The following TGFB2 variants were observed in gnomAD, a reference collection of about 807,000 sequenced individuals.
TGFB2 encodes transforming growth factor beta 2.
In TGFB2, 13 loss-of-function variants were observed where a neutral mutation model predicts 42.7. That is an observed-to-expected ratio of 0.30 (90% CI 0.20 to 0.48). TGFB2 has a LOEUF of 0.48. Among genes scored for constraint, TGFB2 ranks in the 20% least tolerant of loss-of-function variants. TGFB2 has a pLI of 0.99. For synonymous variants in TGFB2, 193 were observed against 193.6 expected (o/e 1.00, Z 0.03); for missense variants, 390 against 517.5 (o/e 0.75, Z 2.39).
intron 2 of TGFB2, among the ~76,000 whole-genome samples, chr1:218,415,736 G>C (rs1378920526): frequency 2.1e-5 from 3 of 146,104 alleles, no homozygotes; most frequent in Non-Finnish European, 4.5e-5. Flanking sequence ...TTGCAGATGA[G>C]CATATCAGAG....
chr1:218,440,345 CT>C (rs34196637), intron 6 of TGFB2, among the ~76,000 whole-genome samples: 55,390 of 144,932 alleles, frequency 0.38, 10,917 homozygotes, highest in East Asian at 0.72. Context: ...AAAAAACAGG[CT>C]TTTTTTTTTT....
In TGFB2 at chr1:218,411,742, G is replaced by A. The variant is rs1215319048; in HGVS notation, c.510+6410G>A. Among the ~76,000 whole-genome samples the A allele has an allele frequency of 2.0e-5, 3 of 151,942 alleles. No homozygotes were observed. The East Asian group carries it at 5.8e-4, about 29-fold the overall frequency. ...TACCCAGGCACAGTGGCACACACCT[G>A]TAATCCCAGCTACTCAGGAGGCTGA... On this transcript the variant is annotated intron_variant, in intron 2 of 6. Coordinates refer to ENST00000366930, the MANE Select transcript of TGFB2 (RefSeq NM_003238.6).
intron 2 of TGFB2, among the ~76,000 whole-genome samples, chr1:218,408,659 T>C (rs1284540473): frequency 6.6e-6 from 1 of 152,098 alleles, no homozygotes; most frequent in African/African-American, 2.4e-5. Context: ...AAAGGCAGCC[T>C]CTTGTCTTTT....
At chr1:218,433,602 G>A (rs1188523938) in intron 2 of TGFB2, among the ~76,000 whole-genome samples, 2 of 152,162 alleles carry the variant, frequency 1.3e-5, no homozygotes, top group African/African-American at 4.8e-5. Context: ...CCAAGGTTAG[G>A]ACCGTTCTTT....
At chr1:218,411,424 A>G (rs1659092907) in intron 2 of TGFB2, among the ~76,000 whole-genome samples, 1 of 152,070 alleles carries the variant, frequency 6.6e-6, no homozygotes. Context: ...TTGGAACTTC[A>G]GTAGAATGAC....
At chr1:218,431,950 T>A (rs553051660) in intron 2 of TGFB2, among the ~76,000 whole-genome samples, 1 of 152,368 alleles carries the variant, frequency 6.6e-6, no homozygotes, top group African/African-American at 2.4e-5. Context: ...AAGCTGTAGC[T>A]TTATGCCAAC....
At chr1:218,384,312 G>C (rs1658059311) in intron 1 of TGFB2, among the ~76,000 whole-genome samples, 1 of 152,000 alleles carries the variant, frequency 6.6e-6, no homozygotes, top group African/African-American at 2.4e-5. Flanking sequence ...GGTGGAAAAA[G>C]CGTTAGCAGG....
At chr1:218,350,768 C>G (rs920500516) in intron 1 of TGFB2, among the ~76,000 whole-genome samples, 5 of 152,092 alleles carry the variant, frequency 3.3e-5, no homozygotes, top group African/African-American at 1.2e-4. Context: ...TGGTGTTGAC[C>G]TATCCATTAC....
chr1:218,379,487 C>CTTTTTTTTTTTTT (rs59224313), intron 1 of TGFB2, among the ~76,000 whole-genome samples: 1 of 133,410 alleles, frequency 7.5e-6, no homozygotes, highest in Admixed American at 7.6e-5. Flanking sequence ...TTCTTTCTTT[C>CTTTTTTTTTTTTT]TTTTTTTTTT....
intron 2 of TGFB2, among the ~76,000 whole-genome samples, chr1:218,416,373 A>G (rs957844628): frequency 3.3e-5 from 5 of 151,932 alleles, no homozygotes; most frequent in Non-Finnish European, 5.9e-5. Context: ...TCAAGGGAGC[A>G]TGCATGTTTT....
intron 2 of TGFB2, among the ~76,000 whole-genome samples, chr1:218,415,460 C>T (rs1348831470): frequency 1.3e-5 from 2 of 151,706 alleles, no homozygotes; most frequent in Non-Finnish European, 2.9e-5. Flanking sequence ...TTTGGGAGGC[C>T]GAGGTGGGTG....
chr1:218,409,205 G>A (rs899826310), intron 2 of TGFB2, among the ~76,000 whole-genome samples: 3 of 152,184 alleles, frequency 2.0e-5, no homozygotes, highest in Admixed American at 6.5e-5. Context: ...TGTGCGGCCC[G>A]GCTCCTGATG....
chr1:218,399,385 C>T (rs1325351063), intron 1 of TGFB2, among the ~76,000 whole-genome samples: 1 of 152,032 alleles, frequency 6.6e-6, no homozygotes, highest in Non-Finnish European at 1.5e-5. Context: ...AATATATACA[C>T]CCTTACTAGG....
rs74420508 is a variant in TGFB2, at chr1:218,372,391, G to A, written c.346+25344G>A. Among the ~76,000 whole-genome samples, 199 of 152,286 alleles carry A rather than the reference G, an allele frequency of 1.3e-3. 2 individuals carry two copies. The East Asian group carries it at 0.032, about 25-fold the overall frequency. On this transcript the variant is annotated intron_variant, in intron 1 of 6. Coordinates refer to ENST00000366930, the MANE Select transcript of TGFB2 (RefSeq NM_003238.6). ...CTCTGAAGTGGAGCTGACTTCGTAT[G>A]TGTTCACAGTGGCAGCAGGGGTTGC...
chr1:218,362,013 G>A (rs909532912), intron 1 of TGFB2, among the ~76,000 whole-genome samples: 3 of 152,144 alleles, frequency 2.0e-5, no homozygotes, highest in Non-Finnish European at 2.9e-5. Context: ...AGAGTGTTCC[G>A]CCTAGAAGGT....
intron 2 of TGFB2, among the ~76,000 whole-genome samples, chr1:218,427,662 ACTC>A (rs1235678501): frequency 4.6e-5 from 7 of 152,094 alleles, no homozygotes; most frequent in Non-Finnish European, 8.8e-5. Context: ...GAAGACATGA[ACTC>A]ATCCTTTTTT....
At chr1:218,386,102 AC>A (rs1411043751) in intron 1 of TGFB2, among the ~76,000 whole-genome samples, 2 of 152,042 alleles carry the variant, frequency 1.3e-5, no homozygotes, top group African/African-American at 2.4e-5. Context: ...GAGATTTATC[AC>A]CCCCACCCCA....
At chr1:218,433,783 T>G (rs1659881966) in intron 2 of TGFB2, among the ~76,000 whole-genome samples, 1 of 152,234 alleles carries the variant, frequency 6.6e-6, no homozygotes, top group Admixed American at 6.5e-5. Context: ...GGCTGAAATC[T>G]TGCAAAGCTT....
At chr1:218,413,397 G>A (rs1348812069) in intron 2 of TGFB2, among the ~76,000 whole-genome samples, 1 of 152,152 alleles carries the variant, frequency 6.6e-6, no homozygotes, top group Non-Finnish European at 1.5e-5. Context: ...ATGGGTTCCT[G>A]TTAATCAGTA....
Sources: gnomAD v4.1 joint callset for allele counts (sites outside exome capture counted in the v4.1 genomes callset) on GRCh38, gnomAD v4.1.1 for gene constraint, MANE v1.5 for transcripts, NCBI Gene and HGNC (gene_info 2026-07-23, HGNC 2026-07-21) for gene names.